The following HMCN1 variants were observed in gnomAD, a reference collection of about 807,000 sequenced individuals.
The protein encoded by HMCN1 is hemicentin-1.
A neutral mutation model predicts 625.9 loss-of-function variants in HMCN1; 321 were observed. The ratio of observed to expected loss-of-function variants is 0.51; its 90% CI spans 0.47 to 0.56. The LOEUF is 0.56. Among genes scored for constraint, HMCN1 ranks in the 20% least tolerant of loss-of-function variants. The probability of loss-of-function intolerance (pLI) is 0.00; values close to 1 mark genes in which losing one functional copy is unlikely to be tolerated. For missense variants in HMCN1, 6,588 were observed against 6,887.3 expected, an observed-to-expected ratio of 0.96 and a Z score of 1.54; for synonymous variants, 2,425 against 2,417.6, an observed-to-expected ratio of 1.00 and a Z score of -0.09.
chr1:186,160,350 G>C (rs1235046209), intron 97 of HMCN1, among the ~76,000 whole-genome samples: 4 of 146,846 alleles, frequency 2.7e-5, no homozygotes, highest in Non-Finnish European at 6.0e-5. Flanking sequence ...TATCAATTTT[G>C]TTGATCCTTT....
At chr1:186,017,207 A>T (rs975789355) in intron 33 of HMCN1, 136 bp downstream of exon 33, 2 of 677,786 alleles carry the variant, frequency 3.0e-6, no homozygotes, top group African/African-American at 3.6e-5. Flanking sequence ...TTTAAAAGAC[A>T]TGCTCTATAT....
chr1:185,946,857 C>T (rs1222024942), intron 11 of HMCN1, among the ~76,000 whole-genome samples: 1 of 152,164 alleles, frequency 6.6e-6, no homozygotes, highest in Non-Finnish European at 1.5e-5. Context: ...TGTATATATA[C>T]ATCCTTACAA....
intron 44 of HMCN1, among the ~76,000 whole-genome samples, chr1:186,054,702 T>C (rs138943653): frequency 3.0e-4 from 45 of 152,104 alleles, no homozygotes; most frequent in African/African-American, 1.0e-3. Flanking sequence ...TTAGCATTGG[T>C]CACTGGAGCT....
chr1:186,139,937 C>T (rs759790815), intron 89 of HMCN1, among the ~76,000 whole-genome samples: 5 of 151,968 alleles, frequency 3.3e-5, no homozygotes, highest in Non-Finnish European at 7.4e-5. Context: ...GTGAAAATCT[C>T]GGGGGCAGAA....
chr1:185,759,758 T>C (rs1427208022), intron 1 of HMCN1, among the ~76,000 whole-genome samples: 2 of 152,206 alleles, frequency 1.3e-5, no homozygotes, highest in South Asian at 2.1e-4. Flanking sequence ...ATCTTTGATA[T>C]GGACTTTTGT....
chr1:185,956,761 G>T (rs1327354951), intron 11 of HMCN1, among the ~76,000 whole-genome samples: 2 of 152,142 alleles, frequency 1.3e-5, no homozygotes, highest in Non-Finnish European at 2.9e-5. Context: ...GTTCCATCCT[G>T]CCTTGATCTT....
At chr1:185,885,302 C>G (rs527510664) in intron 4 of HMCN1, among the ~76,000 whole-genome samples, 1 of 151,968 alleles carries the variant, frequency 6.6e-6, no homozygotes, top group South Asian at 2.1e-4. Flanking sequence ...ACAAGAATAG[C>G]TAGTTTGCTC....
intron 1 of HMCN1, among the ~76,000 whole-genome samples, chr1:185,775,717 G>A (rs1656553613): frequency 6.6e-6 from 1 of 152,202 alleles, no homozygotes; most frequent in Admixed American, 6.5e-5. Flanking sequence ...CCTGAAGCAT[G>A]TGAATTGGGG....
chr1:186,035,885 T>C (rs1264840790), intron 36 of HMCN1, among the ~76,000 whole-genome samples: 3 of 152,162 alleles, frequency 2.0e-5, no homozygotes, highest in Middle Eastern at 3.4e-3. Context: ...TCTGCATGGG[T>C]ACTTTTATTT....
intron 48 of HMCN1, among the ~76,000 whole-genome samples, chr1:186,063,067 C>CATATATATATATATATATATAT (rs775036108): frequency 2.7e-4 from 16 of 59,834 alleles, no homozygotes; most frequent in East Asian, 1.8e-3. Flanking sequence ...TGTGTGTGTG[C>CATATATATATATATATATATAT]ATATATATAT....
At chr1:186,028,958 C>G (rs1011603733) in intron 36 of HMCN1, among the ~76,000 whole-genome samples, 1 of 151,878 alleles carries the variant, frequency 6.6e-6, no homozygotes, top group Non-Finnish European at 1.5e-5. Context: ...AACTCCTCAC[C>G]TCGTGATCCG....
At chr1:186,048,659 TAAGA>T (rs1317540550) in intron 41 of HMCN1, 80 bp from the exon 42 acceptor site, 10 of 835,638 alleles carry the variant, frequency 1.2e-5, no homozygotes, top group South Asian at 1.0e-4. Flanking sequence ...AGAATAAAAA[TAAGA>T]AATAGATCAC....
intron 5 of HMCN1, among the ~76,000 whole-genome samples, chr1:185,910,459 A>T (rs1666347688): frequency 6.6e-6 from 1 of 152,152 alleles, no homozygotes; most frequent in Non-Finnish European, 1.5e-5. Context: ...GACTCAGAGT[A>T]CCTGTACCCA....
intron 1 of HMCN1, among the ~76,000 whole-genome samples, chr1:185,818,976 T>A (rs535787748): frequency 1.3e-5 from 2 of 151,918 alleles, no homozygotes; most frequent in South Asian, 4.1e-4. Context: ...CTGGAAGCCA[T>A]GCCTGTAATC....
chr1:185,799,255 A>G (rs79886366), intron 1 of HMCN1, among the ~76,000 whole-genome samples: 4,723 of 152,248 alleles, frequency 0.031, 228 homozygotes, highest in African/African-American at 0.1. Flanking sequence ...GGAAGTCTCA[A>G]GAGGCTTATC....
At chr1:185,958,936 T>A (rs891909795) in intron 11 of HMCN1, among the ~76,000 whole-genome samples, 6 of 152,218 alleles carry the variant, frequency 3.9e-5, no homozygotes, top group African/African-American at 1.2e-4. Flanking sequence ...TTCAATGAAC[T>A]GACTACTAGA....
chr1:186,009,846 T>A (rs1653880138), intron 30 of HMCN1, among the ~76,000 whole-genome samples: 1 of 152,102 alleles, frequency 6.6e-6, no homozygotes, highest in Non-Finnish European at 1.5e-5. Flanking sequence ...ACAGATGAGT[T>A]TTGGAGGTTT....
Position 186,090,805 on chromosome 1 carries a change from C to T in HMCN1, c.9775C>T (p.Leu3259Phe), listed in dbSNP as rs1659797879. ...GAEIPSDVSV[L>F]LGENVELVCN... is the part of the protein sequence containing the mutation. ...TGAAATTCCAAGTGATGTCAGTGTC[C>T]TTCTAGGAGAAAATGTTGAGCTGGT... is the stretch of plus-strand genomic sequence containing the variant. Residue 3259 changes from leucine (L) to phenylalanine (F), a missense_variant, in exon 64 of 107, where the codon CTT becomes TTT. Leu to Phe is a conservative substitution (Grantham distance 22). Around this residue, in one of 3 missense-constraint regions of HMCN1, gnomAD observed 4,628 missense variants for 4,853.1 expected, o/e 0.95. Transcript: ENST00000271588. 1.2e-6 allele frequency: 2 copies of T among 1,612,626 alleles called. No individual in the cohort carries two copies. The highest frequency in any genetic ancestry group is 1.7e-6 in the Non-Finnish European group (2 of 1,179,064).
chr1:185,973,040 AT>A (rs1650939565), intron 15 of HMCN1, among the ~76,000 whole-genome samples: 1 of 152,148 alleles, frequency 6.6e-6, no homozygotes, highest in African/African-American at 2.4e-5. Context: ...CCCAGAACTT[AT>A]GTAGTGGTTA....
Sources: gnomAD v4.1 joint callset for allele counts (sites outside exome capture counted in the v4.1 genomes callset) on GRCh38, gnomAD v4.1.1 for gene constraint, gnomAD v4.1.1 regional missense constraint, MANE v1.5 for transcripts, NCBI Gene and HGNC (gene_info 2026-07-23, HGNC 2026-07-21) for gene names.